The following NFASC variants were observed in gnomAD, a reference collection of about 807,000 sequenced individuals.
NFASC encodes neurofascin, also known as neurofascin homolog.
NFASC carries 43 observed loss-of-function variants against 147.5 expected under a neutral mutation model. That is an observed-to-expected ratio of 0.29 (90% confidence interval 0.23 to 0.38). The LOEUF (loss-of-function observed/expected upper bound fraction) is 0.38. Among genes scored for constraint, NFASC ranks in the 10% least tolerant of loss-of-function variants. The pLI, the probability that NFASC is intolerant of heterozygous loss-of-function variation, is 1.00. For missense variants in NFASC, 1,320 were observed against 1,689.0 expected (o/e 0.78, Z 3.83); for synonymous variants, 622 against 665.5 (o/e 0.93, Z 1.01).
intron 3 of NFASC, among the ~76,000 whole-genome samples, chr1:204,945,539 CT>C (rs2093665493): frequency 6.6e-6 from 1 of 152,180 alleles, no homozygotes; most frequent in African/African-American, 2.4e-5. Context: ...GAGGAGGGGA[CT>C]TTTTGGATGA....
rs1266883766 is a variant in NFASC at position 204,979,126 on chromosome 1, C to G, written c.1978+57C>G. On this transcript the variant is annotated intron_variant, in intron 18 of 29. Coordinates refer to ENST00000339876, the MANE Select transcript of NFASC (RefSeq NM_001005388.3). This position sits in a 1 kb window ranked among gnomAD's most constrained non-coding sequence, Gnocchi z 6.0. ...AAAGAGGGACGGCAACACCCTTAAA[C>G]CGAAGGCCTTTCCTGGTTTCCAGCC... 1 of 1,409,206 alleles carries G rather than the reference C, an allele frequency of 7.1e-7. No individual in the cohort carries two copies. The allele number at this position is 1,409,206 out of a possible 1,614,324, so 87.3% of individuals were successfully genotyped here. A position where few individuals can be genotyped will look rare whatever the true frequency, so the allele number is the denominator to read the frequency against.
chr1:204,972,095 G>C (rs1341581559), intron 11 of NFASC, among the ~76,000 whole-genome samples: 1 of 152,212 alleles, frequency 6.6e-6, no homozygotes, highest in Non-Finnish European at 1.5e-5. Context: ...CCCGGGCGTG[G>C]ATGATAAGGG....
chr1:204,877,011 TATATA>T (rs1558547726), intron 1 of NFASC, among the ~76,000 whole-genome samples: 1 of 110,850 alleles, frequency 9.0e-6, no homozygotes, highest in African/African-American at 4.1e-5. Flanking sequence ...TATATATATA[TATATA>T]TATATATATA....
rs1407440640 is a variant in NFASC, at chr1:205,019,544, G to A, written c.*3005G>A. 6.6e-6 allele frequency: 1 copy of A among 152,176 alleles called. No homozygotes were observed. The highest frequency in any genetic ancestry group is 1.5e-5 in the Non-Finnish European group (1 of 68,042). The allele number at this position is 152,176 out of a possible 1,614,324, so 9.4% of individuals were successfully genotyped here. On this transcript the variant is annotated 3_prime_UTR_variant, in exon 30 of 30. Transcript: ENST00000339876. Reference sequence around the variant, plus strand: ...CAGTCTGAACTAAGGCCTGAGCTGTGGATACCATGGCGCGTGAGTTAGATG... The same window carrying A: ...CAGTCTGAACTAAGGCCTGAGCTGTAGATACCATGGCGCGTGAGTTAGATG...
intron 1 of NFASC, among the ~76,000 whole-genome samples, chr1:204,901,124 G>A (rs909275456): frequency 2.6e-5 from 4 of 152,170 alleles, no homozygotes; most frequent in Non-Finnish European, 5.9e-5. Flanking sequence ...GGAAGTGCGG[G>A]GAGGAGCTGT....
rs746015398 is a variant in NFASC, at chr1:204,950,469, G to A, written c.92-88G>A. 94 of 1,239,736 alleles carry A rather than the reference G, an allele frequency of 7.6e-5. 1 individual carries two copies. In the Middle Eastern group the frequency reaches 2.6e-3, roughly 34 times the overall value. The allele number at this position is 1,239,736 out of a possible 1,614,324, so 76.8% of individuals were successfully genotyped here. ...GGCACACCCCGCCCACTCCCTGTGTGCTGGGGCGTGAGGATGCCTGGGCGG... is the reference window on the plus strand; with the variant it reads ...GGCACACCCCGCCCACTCCCTGTGTACTGGGGCGTGAGGATGCCTGGGCGG... On this transcript the variant is annotated intron_variant, in intron 3 of 29. Coordinates refer to ENST00000339876, the MANE Select transcript of NFASC (RefSeq NM_001005388.3).
At chr1:204,879,623 C>T (rs2079732149) in intron 1 of NFASC, among the ~76,000 whole-genome samples, 1 of 152,178 alleles carries the variant, frequency 6.6e-6, no homozygotes, top group Non-Finnish European at 1.5e-5. Context: ...CCAAATGGTA[C>T]ATTTTTCTCT....
In NFASC at chr1:205,017,129, G is replaced by A. The variant is rs6668006; in HGVS notation, c.*590G>A. On this transcript the variant is annotated 3_prime_UTR_variant, in exon 30 of 30. Transcript: ENST00000339876. ...CCAAAGGATGCCTTTCTCGCCATAT[G>A]CCTCCCCTGGCCCCCAGCCCCTCTG... 5.5e-4 allele frequency: 94 copies of A among 170,768 alleles called. 1 individual carries two copies. Among genetic ancestry groups the A allele is most frequent in the African/African-American group, 2.2e-3 (93 of 42,150 alleles). 10.6% of individuals were successfully genotyped at this position (170,768 alleles called of 1,614,324 possible). A position where few individuals can be genotyped will look rare whatever the true frequency, so the allele number is the denominator to read the frequency against.
chr1:204,854,150 G>T (rs912452123), intron 1 of NFASC, among the ~76,000 whole-genome samples: 3 of 151,890 alleles, frequency 2.0e-5, no homozygotes, highest in Non-Finnish European at 4.4e-5. Flanking sequence ...AAAACTCTTG[G>T]CCAGTTATCA....
At chr1:204,949,011 C>T (rs1038854510) in intron 3 of NFASC, among the ~76,000 whole-genome samples, 4 of 152,166 alleles carry the variant, frequency 2.6e-5, no homozygotes, top group South Asian at 2.1e-4. Flanking sequence ...AGACGAGCTC[C>T]GGGGAGCATG....
chr1:204,927,512 C>G (rs1365803657), intron 2 of NFASC, among the ~76,000 whole-genome samples: 1 of 152,124 alleles, frequency 6.6e-6, no homozygotes, highest in Non-Finnish European at 1.5e-5. Flanking sequence ...TTGAAGATCC[C>G]TAGACCTTTT....
chr1:204,947,142 C>A, intron 3 of NFASC: 1 of 291,904 alleles, frequency 3.4e-6, no homozygotes, highest in South Asian at 3.2e-5. Flanking sequence ...TCACAGGGGT[C>A]CTCAAGACCC....
At chr1:204,870,552 C>T (rs1401046432) in intron 1 of NFASC, 9 of 456,114 alleles carry the variant, frequency 2.0e-5, no homozygotes, top group Admixed American at 1.7e-4. Flanking sequence ...ACCCCACCCC[C>T]GCCTTGGGGA....
intron 29 of NFASC, among the ~76,000 whole-genome samples, chr1:205,013,441 C>T (rs1465791136): frequency 6.6e-6 from 1 of 152,158 alleles, no homozygotes; most frequent in Non-Finnish European, 1.5e-5. Context: ...TGCCCTATGC[C>T]CCAGATGAGA....
intron 2 of NFASC, among the ~76,000 whole-genome samples, chr1:204,922,239 C>G (rs566630999): frequency 1.4e-4 from 21 of 152,256 alleles, no homozygotes; most frequent in African/African-American, 4.1e-4. Context: ...CTCCACAGCT[C>G]TCTCTGAACA....
intron 27 of NFASC, among the ~76,000 whole-genome samples, chr1:205,007,124 G>C (rs987059848): frequency 6.6e-6 from 1 of 151,930 alleles, no homozygotes; most frequent in Non-Finnish European, 1.5e-5. Context: ...ATGTGAGCTG[G>C]AGCTGAAAAG....
chr1:204,992,700 C>T (rs1280474732), intron 24 of NFASC, among the ~76,000 whole-genome samples: 1 of 152,190 alleles, frequency 6.6e-6, no homozygotes, highest in Non-Finnish European at 1.5e-5. Flanking sequence ...AGGGAGGGCA[C>T]CAGGCGAATC....
chr1:204,987,435 C>A lies in NFASC; in HGVS notation c.2488C>A (p.Arg830Ser). The stretch of plus-strand genomic sequence containing the variant: ...TCCCCAAGTACCCAGTGCCCCTAGG[C>A]GTTTCCGAGTCCGGCAGCCCAACCT... ...SGEDLPSAPR[R>S]FRVRQPNLET... Residue 830 changes from arginine (R) to serine (S), a missense_variant, in exon 22 of 30, where the codon CGT (arginine) becomes AGT (serine). Coordinates refer to ENST00000339876, the MANE Select transcript of NFASC (RefSeq NM_001005388.3). This position sits in a 1 kb window ranked among gnomAD's most constrained non-coding sequence, Gnocchi z 4.4. 6 of 1,613,978 alleles carry A rather than the reference C, an allele frequency of 3.7e-6. No homozygotes were observed. Among genetic ancestry groups the A allele is most frequent in the Non-Finnish European group, 5.1e-6 (6 of 1,179,932 alleles).
In NFASC at chr1:205,020,399, T is replaced by G. The variant is rs2096392503; in HGVS notation, c.*3860T>G. 1 of 152,288 alleles carries G rather than the reference T, an allele frequency of 6.6e-6. No individual in the cohort carries two copies. The highest frequency in any genetic ancestry group is 2.1e-4 in the South Asian group (1 of 4,828). 9.4% of individuals were successfully genotyped at this position (152,288 alleles called of 1,614,324 possible). On this transcript the variant is annotated 3_prime_UTR_variant, in exon 30 of 30. Transcript: ENST00000339876. ...TGCTTCCAAGGGATAGCGATCCAGA[T>G]TCCAACATTGTCTTGGAGAGGGTTA...
Sources: allele counts gnomAD v4.1 joint callset (sites outside exome capture counted in the v4.1 genomes callset), GRCh38; gene constraint gnomAD v4.1.1; non-coding constraint Gnocchi (gnomAD v3.1); transcripts MANE v1.5; gene names NCBI Gene and HGNC (gene_info 2026-07-23, HGNC 2026-07-21).